Variants in MKLN1 observed in about 807,000 individuals in gnomAD.
MKLN1 encodes muskelin 1, also known as muskelin.
A neutral mutation model predicts 99.0 loss-of-function variants in MKLN1; 18 were observed. The observed-to-expected ratio is 0.18, with a 90% CI of 0.13 to 0.27. MKLN1 has a LOEUF of 0.27. Ranked by LOEUF, MKLN1 falls within the 10% of genes least tolerant of loss-of-function variation. MKLN1 has a pLI of 1.00. For missense variants in MKLN1, 621 were observed against 875.9 expected, an observed-to-expected ratio of 0.71 and a Z score of 3.67; for synonymous variants, 288 against 293.2, an observed-to-expected ratio of 0.98 and a Z score of 0.18.
intron 3 of MKLN1, among the ~76,000 whole-genome samples, chr7:131,298,028 A>G (rs1441914249): frequency 1.3e-5 from 2 of 152,240 alleles, no homozygotes; most frequent in Non-Finnish European, 2.9e-5. Flanking sequence ...TCACGCCTGT[A>G]ATCTCACCAC....
At chr7:131,422,646 A>G (rs1384912019) in intron 8 of MKLN1, among the ~76,000 whole-genome samples, 4 of 152,214 alleles carry the variant, frequency 2.6e-5, no homozygotes, top group African/African-American at 9.6e-5. Flanking sequence ...TTTTAAAGCA[A>G]TTGTTGCTTC....
intron 1 of MKLN1, among the ~76,000 whole-genome samples, chr7:131,125,701 G>A (rs574729916): frequency 1.3e-5 from 2 of 152,096 alleles, no homozygotes; most frequent in Admixed American, 6.6e-5. Context: ...TGAGACTTCT[G>A]TCTCTGCAAA....
upstream of MKLN1, among the ~76,000 whole-genome samples, chr7:131,326,648 C>T (rs1673109555): frequency 6.6e-6 from 1 of 152,078 alleles, no homozygotes; most frequent in African/African-American, 2.4e-5. Context: ...CCGGGCCTGG[C>T]CTTTCTATCT....
chr7:131,312,683 C>T (rs1254468982), intron 3 of MKLN1, among the ~76,000 whole-genome samples: 2 of 152,162 alleles, frequency 1.3e-5, no homozygotes, highest in South Asian at 2.1e-4. Context: ...AAAAATTACC[C>T]TTTTCAACTT....
chr7:131,472,080 T>G (rs901124122), intron 16 of MKLN1: 1 of 152,174 alleles, frequency 6.6e-6, no homozygotes, highest in Non-Finnish European at 1.5e-5. Flanking sequence ...ACTGTGCAAA[T>G]AGGAGAAATA....
At chr7:131,225,069 T>C (rs1187409394) in intron 3 of MKLN1, among the ~76,000 whole-genome samples, 3 of 137,746 alleles carry the variant, frequency 2.2e-5, no homozygotes, top group African/African-American at 8.5e-5. Context: ...AGACTGTGTC[T>C]CAAAAAAAAA....
At chr7:131,444,210 C>T (rs1329982633) in intron 11 of MKLN1, among the ~76,000 whole-genome samples, 1 of 151,800 alleles carries the variant, frequency 6.6e-6, no homozygotes, top group Non-Finnish European at 1.5e-5. Context: ...ATTAGCCTGG[C>T]GTGGTGACCT....
At chr7:131,406,529 C>T (rs567082078) in intron 6 of MKLN1, among the ~76,000 whole-genome samples, 4 of 152,046 alleles carry the variant, frequency 2.6e-5, no homozygotes, top group Admixed American at 2.6e-4. Flanking sequence ...AAATATTTGT[C>T]TTATACAGCA....
intron 11 of MKLN1, among the ~76,000 whole-genome samples, chr7:131,444,718 GAGTAGTAGTAGTAGTAGTAGTAGTAGT>G (rs60571380): frequency 7.8e-6 from 1 of 128,750 alleles, no homozygotes; most frequent in African/African-American, 2.9e-5. Flanking sequence ...CCTGGGTTTT[GAGTAGTAGTAGTAGTAGTAGTAGTAGT>G]AGTAGTAGTA....
intron 16 of MKLN1, 134 bp from the exon 17 acceptor site, chr7:131,478,489 A>T: frequency 1.3e-6 from 1 of 796,512 alleles, no homozygotes; most frequent in Non-Finnish European, 1.8e-6. Context: ...TATTTGGTGA[A>T]TAGACCTATG....
At chr7:131,194,963 T>C (rs1796619916) in intron 2 of MKLN1, among the ~76,000 whole-genome samples, 1 of 152,212 alleles carries the variant, frequency 6.6e-6, no homozygotes, top group Non-Finnish European at 1.5e-5. Flanking sequence ...TAGAGCTCTT[T>C]GTTCTGGTAA....
chr7:131,188,030 A>G (rs996689953), intron 2 of MKLN1, among the ~76,000 whole-genome samples: 1 of 152,144 alleles, frequency 6.6e-6, no homozygotes, highest in African/African-American at 2.4e-5. Flanking sequence ...ATAAATAACA[A>G]CCACCTAAAT....
intron 3 of MKLN1, among the ~76,000 whole-genome samples, chr7:131,237,595 A>C (rs2044627805): frequency 6.6e-6 from 1 of 152,126 alleles, no homozygotes; most frequent in African/African-American, 2.4e-5. Flanking sequence ...TGTATAATCG[A>C]AGTATGCAGT....
chr7:131,454,888 G>A (rs1445615855), intron 12 of MKLN1, among the ~76,000 whole-genome samples: 2 of 152,086 alleles, frequency 1.3e-5, no homozygotes, highest in African/African-American at 2.4e-5. Context: ...ATGAGAAGGC[G>A]GCCAAGAAAA....
At chr7:131,179,078 C>A (rs1164478058) in intron 2 of MKLN1, among the ~76,000 whole-genome samples, 1 of 152,084 alleles carries the variant, frequency 6.6e-6, no homozygotes, top group Non-Finnish European at 1.5e-5. Context: ...AAATAAATAC[C>A]TTTCTTGACT....
At chr7:131,331,160 G>T (rs1799062287) in intron 1 of MKLN1, among the ~76,000 whole-genome samples, 1 of 152,058 alleles carries the variant, frequency 6.6e-6, no homozygotes, top group Admixed American at 6.6e-5. Context: ...TTAATTCTTG[G>T]TACATACCTG....
At chr7:131,207,805 T>C (rs976691484) in intron 3 of MKLN1, among the ~76,000 whole-genome samples, 10 of 152,216 alleles carry the variant, frequency 6.6e-5, no homozygotes, top group African/African-American at 2.4e-4. Flanking sequence ...TTTCTGATCT[T>C]GTAATTTTAC....
chr7:131,258,454 G>C (rs140490215), intron 3 of MKLN1, among the ~76,000 whole-genome samples: 1 of 151,426 alleles, frequency 6.6e-6, no homozygotes, highest in African/African-American at 2.4e-5. Context: ...AGGATGCCTC[G>C]GTGAATAAGA....
chr7:131,152,995 C>G (rs1429436762), intron 2 of MKLN1, among the ~76,000 whole-genome samples: 1 of 150,956 alleles, frequency 6.6e-6, no homozygotes, highest in Non-Finnish European at 1.5e-5. Context: ...CAACATGTTC[C>G]TCTGTACAGG....
Sources: gnomAD v4.1 joint callset for allele counts (sites outside exome capture counted in the v4.1 genomes callset) on GRCh38, gnomAD v4.1.1 for gene constraint, MANE v1.5 for transcripts, NCBI Gene and HGNC (gene_info 2026-07-23, HGNC 2026-07-21) for gene names.